Variants in SPIDR observed in about 807,000 individuals in gnomAD.
The protein encoded by SPIDR is DNA repair-scaffolding protein.
SPIDR carries 93 observed loss-of-function variants against 104.6 expected under a neutral mutation model. The observed-to-expected ratio is 0.89, with a 90% CI of 0.75 to 1.06. The LOEUF is 1.06. SPIDR is among the 50% of genes least tolerant of loss of function. SPIDR has a pLI of 0.00. For missense variants in SPIDR, 1,154 were observed against 1,111.2 expected (o/e 1.04, Z -0.55); for synonymous variants, 431 against 416.9 (o/e 1.03, Z -0.41).
chr8:47,512,492 C>T (rs1245546026), intron 8 of SPIDR, among the ~76,000 whole-genome samples: 1 of 152,208 alleles, frequency 6.6e-6, no homozygotes, highest in Non-Finnish European at 1.5e-5. Context: ...AGACATTGTG[C>T]ATTTTTAGAG....
At chr8:47,320,157 G>T (rs1554593776) in intron 5 of SPIDR, among the ~76,000 whole-genome samples, 1 of 152,138 alleles carries the variant, frequency 6.6e-6, no homozygotes. Flanking sequence ...GTGAATCCAG[G>T]AGCTGGTCTT....
intron 8 of SPIDR, among the ~76,000 whole-genome samples, chr8:47,443,441 C>T (rs868935699): frequency 5.9e-5 from 9 of 151,616 alleles, no homozygotes; most frequent in African/African-American, 1.7e-4. Flanking sequence ...ATGGGTGGTG[C>T]GTGCCTGTGG....
chr8:47,733,364 G>C (rs2085583471), intron 19 of SPIDR, among the ~76,000 whole-genome samples: 1 of 152,176 alleles, frequency 6.6e-6, no homozygotes, highest in Non-Finnish European at 1.5e-5. Flanking sequence ...TCCAGCCTGG[G>C]TGACAGAGCA....
chr8:47,327,119 A>G (rs782221023), intron 5 of SPIDR, among the ~76,000 whole-genome samples: 65 of 152,080 alleles, frequency 4.3e-4, no homozygotes, highest in Non-Finnish European at 6.6e-4. Context: ...GGTCTCTTCT[A>G]CCCACTTAAA....
chr8:47,367,918 A>G (rs1193258070), intron 5 of SPIDR, among the ~76,000 whole-genome samples: 1 of 152,202 alleles, frequency 6.6e-6, no homozygotes, highest in African/African-American at 2.4e-5. Flanking sequence ...CAAATTAGAA[A>G]TTGTAGGACG....
At chr8:47,261,058 C>T (rs2032020625) in intron 1 of SPIDR, 67 bp downstream of exon 1, 11 of 1,222,252 alleles carry the variant, frequency 9.0e-6, no homozygotes, top group African/African-American at 6.3e-5. Flanking sequence ...CGGGCCGGCG[C>T]GGGGCTGGCC....
intron 3 of SPIDR, among the ~76,000 whole-genome samples, chr8:47,288,207 T>C (rs1424970992): frequency 1.3e-5 from 2 of 152,220 alleles, no homozygotes; most frequent in African/African-American, 4.8e-5. Context: ...TTGGACTTCC[T>C]TATTAACGGT....
intron 10 of SPIDR, among the ~76,000 whole-genome samples, chr8:47,625,725 A>G (rs1299452042): frequency 1.3e-5 from 2 of 152,128 alleles, no homozygotes; most frequent in Non-Finnish European, 2.9e-5. Context: ...CCACTGCTCA[A>G]TGAAATAAAA....
Position 47,654,240 on chromosome 8 carries a change from AAG to A in SPIDR, c.1545-19557_1545-19556del, listed in dbSNP as rs1156795953. On this transcript the variant is annotated intron_variant, in intron 10 of 19. Transcript: ENST00000297423. ...TAGAAGAAAGGAAAGAACAGGGTTT[AAG>A]AGACAGGTTGGGAAGCACCTGCCTA... 3 of 1,214,430 alleles carry A rather than the reference AAG, an allele frequency of 2.5e-6. No homozygotes were observed. In the African/African-American group the frequency reaches 4.7e-5, roughly 19 times the overall value. The allele number at this position is 1,214,430 out of a possible 1,614,324, so 75.2% of individuals were successfully genotyped here.
At chr8:47,490,553 T>A (rs1433115873) in intron 8 of SPIDR, among the ~76,000 whole-genome samples, 8 of 152,234 alleles carry the variant, frequency 5.3e-5, no homozygotes, top group Non-Finnish European at 1.5e-5. Flanking sequence ...ACATGTACGT[T>A]TATTGTGGCA....
chr8:47,487,723 A>T (rs534985390), intron 8 of SPIDR, among the ~76,000 whole-genome samples: 1 of 152,356 alleles, frequency 6.6e-6, no homozygotes, highest in African/African-American at 2.4e-5. Flanking sequence ...ACTCAACTAC[A>T]TGGAAACTGC....
At chr8:47,506,342 G>A (rs765353183) in intron 8 of SPIDR, among the ~76,000 whole-genome samples, 10 of 152,094 alleles carry the variant, frequency 6.6e-5, no homozygotes, top group Admixed American at 2.0e-4. Context: ...CAGCTCTCCC[G>A]TATAGAAATA....
At chr8:47,384,830 G>A (rs555043306) in intron 5 of SPIDR, among the ~76,000 whole-genome samples, 1 of 152,232 alleles carries the variant, frequency 6.6e-6, no homozygotes, top group South Asian at 2.1e-4. Flanking sequence ...TATCTAGATG[G>A]CCTAAGAAAT....
At chr8:47,407,761 A>G (rs537730917) in intron 6 of SPIDR, 100 bp from the exon 7 acceptor site, 23 of 579,672 alleles carry the variant, frequency 4.0e-5, no homozygotes, top group African/African-American at 5.8e-5. Context: ...TGCATGTTTT[A>G]TCTGTTTGTC....
At chr8:47,405,668 A>G (rs1554666857) in intron 6 of SPIDR, among the ~76,000 whole-genome samples, 2 of 152,158 alleles carry the variant, frequency 1.3e-5, no homozygotes, top group African/African-American at 4.8e-5. Flanking sequence ...TGCTGAGTGA[A>G]TTCATCATAT....
At chr8:47,312,803 A>G (rs1432878172) in intron 5 of SPIDR, among the ~76,000 whole-genome samples, 10 of 152,196 alleles carry the variant, frequency 6.6e-5, no homozygotes, top group Admixed American at 1.3e-4. Context: ...CCCCATGCCT[A>G]TGTCCTGAAT....
chr8:47,581,173 C>T (rs758395946), intron 8 of SPIDR, among the ~76,000 whole-genome samples: 17 of 152,046 alleles, frequency 1.1e-4, no homozygotes, highest in African/African-American at 3.6e-4. Context: ...ATTGCAGCAC[C>T]GGTAACCTAC....
At chr8:47,714,391 G>A (rs925996166) in intron 16 of SPIDR, among the ~76,000 whole-genome samples, 4 of 152,164 alleles carry the variant, frequency 2.6e-5, no homozygotes, top group Non-Finnish European at 5.9e-5. Context: ...CAGCTTTGAG[G>A]GGACCTGCTC....
intron 8 of SPIDR, chr8:47,511,849 G>C (rs2082378623): frequency 1.2e-6 from 1 of 853,226 alleles, no homozygotes; most frequent in African/African-American, 1.7e-5. Flanking sequence ...ACTTCTCTCT[G>C]AGGCCCCGGC....
Sources: allele counts gnomAD v4.1 joint callset (sites outside exome capture counted in the v4.1 genomes callset), GRCh38; gene constraint gnomAD v4.1.1; transcripts MANE v1.5; gene names NCBI Gene and HGNC (gene_info 2026-07-23, HGNC 2026-07-21).